PHACTR2: variants seen among roughly 807,000 people sequenced by gnomAD.
The protein encoded by PHACTR2 is phosphatase and actin regulator 2, also known as chromosome 6 open reading frame 56.
In PHACTR2, 30 loss-of-function variants were observed where a neutral mutation model predicts 76.0. The ratio of observed to expected loss-of-function variants is 0.39; its 90% confidence interval spans 0.30 to 0.54. The LOEUF (loss-of-function observed/expected upper bound fraction) is 0.54. PHACTR2 is among the 20% of genes least tolerant of loss of function. The probability of loss-of-function intolerance (pLI) is 0.61; values close to 1 mark genes in which losing one functional copy is unlikely to be tolerated. For missense variants in PHACTR2, 696 were observed against 781.1 expected, an observed-to-expected ratio of 0.89 and a Z score of 1.30; for synonymous variants, 292 against 292.5, an observed-to-expected ratio of 1.00 and a Z score of 0.02.
At position 143,623,996 on chromosome 6, in the gene PHACTR2, C is replaced by G. The variant is rs1474973384; in HGVS notation, c.13+15674C>G. On this transcript the variant is annotated intron_variant, in intron 1 of 11. Transcript: ENST00000305766. The surrounding 1 kb of genome is among the most constrained non-coding windows in gnomAD (Gnocchi z 5.9). Reference sequence around the variant, plus strand: ...AACTTGGGGTGAGTGATATGAAGACCCTGCCTCCCCACCCACTCCCCACCC... The same window carrying G: ...AACTTGGGGTGAGTGATATGAAGACGCTGCCTCCCCACCCACTCCCCACCC... 6.6e-6 allele frequency among the ~76,000 whole-genome samples: 1 copy of G among 152,046 alleles called. No individual in the cohort carries two copies. Among genetic ancestry groups the G allele is most frequent in the East Asian group, 1.9e-4 (1 of 5,190 alleles).
At chr6:143,649,071 A>G (rs571307573) in intron 1 of PHACTR2, among the ~76,000 whole-genome samples, 1 of 152,180 alleles carries the variant, frequency 6.6e-6, no homozygotes, top group Admixed American at 6.5e-5. Context: ...GCTTCTGTGG[A>G]ATAAAGTCAA....
intron 2 of PHACTR2, among the ~76,000 whole-genome samples, chr6:143,714,020 A>C (rs1251888167): frequency 1.3e-5 from 2 of 152,240 alleles, no homozygotes; most frequent in African/African-American, 4.8e-5. Context: ...GTGCAAAAGT[A>C]GTTGCGATTT....
chr6:143,760,568 A>G lies in PHACTR2; in HGVS notation c.622A>G (p.Thr208Ala). ...GDEVPPIKKN[T>A]KAPGKQAPVP... is the part of the protein sequence containing the mutation. ...TGAAGTGCCTCCCATTAAAAAAAAT[A>G]CCAAGGCTCCTGGTAAGCAGGCCCC... The change falls in exon 5 of 13, where the codon ACC (threonine) becomes GCC (alanine). Residue 208 changes from threonine (T) to alanine (A), a missense_variant. Physicochemically the swap from Thr to Ala is moderately conservative, Grantham distance 58. Coordinates refer to ENST00000440869, the MANE Select transcript of PHACTR2 (RefSeq NM_001100164.2). This position sits in a 1 kb window ranked among gnomAD's most constrained non-coding sequence, Gnocchi z 6.4. The G allele has an allele frequency of 6.2e-7, 1 of 1,613,806 alleles. No homozygotes were observed. The highest frequency in any genetic ancestry group is 8.5e-7 in the Non-Finnish European group (1 of 1,179,820).
At position 143,777,331 on chromosome 6, in the gene PHACTR2, G is replaced by C; in HGVS notation, c.1593G>C (p.Arg531Ser). Residue 531 changes from arginine (R) to serine (S), a missense_variant, in exon 9 of 13, where the codon AGG becomes AGC. Transcript: ENST00000440869. This position sits in a 1 kb window ranked among gnomAD's most constrained non-coding sequence, Gnocchi z 4.6. ...TATATCCTTTTTGTCATCATAGGAG[G>C]CTGAGCCAGAGGCCCACAACTGAAG... is the stretch of plus-strand genomic sequence containing the variant. ...RQQIGTKLVR[R>S]LSQRPTTEEL... The C allele has an allele frequency of 6.3e-7, 1 of 1,591,384 alleles. No individual in the cohort carries two copies. Among genetic ancestry groups the C allele is most frequent in the Non-Finnish European group, 8.6e-7 (1 of 1,161,546 alleles).
intron 1 of PHACTR2, among the ~76,000 whole-genome samples, chr6:143,552,888 GAAAA>G (rs35606517): frequency 1.7e-5 from 2 of 116,648 alleles, no homozygotes; most frequent in African/African-American, 3.3e-5. Flanking sequence ...ATCTCAAAAA[GAAAA>G]AAAAAAAAAA....
At chr6:143,691,287 T>TA (rs72558507) in intron 1 of PHACTR2, among the ~76,000 whole-genome samples, 16,258 of 148,970 alleles carry the variant, frequency 0.11, 1,923 homozygotes, top group African/African-American at 0.3. Flanking sequence ...GTATTTAAAT[T>TA]AAAAAAAAAA....
In PHACTR2 at chr6:143,697,062, T is replaced by G. The variant is rs1349825114; in HGVS notation, c.47-14954T>G. ...TACCTTGTAGTTCCGATATATTTAG[T>G]TAATTGAAAGCCTAAAATATTGCCA... On this transcript the variant is annotated intron_variant, in intron 1 of 12. Coordinates refer to ENST00000440869, the MANE Select transcript of PHACTR2 (RefSeq NM_001100164.2). This position sits in a 1 kb window ranked among gnomAD's most constrained non-coding sequence, Gnocchi z 4.4. Among the ~76,000 whole-genome samples the G allele has an allele frequency of 6.6e-6, 1 of 152,218 alleles. No individual in the cohort carries two copies.
In PHACTR2 at chr6:143,546,132, T is replaced by C. The variant is rs1265265544; in HGVS notation, c.217+8925T>C. Among the ~76,000 whole-genome samples, 1 of 152,222 alleles carries C rather than the reference T, an allele frequency of 6.6e-6. No individual in the cohort carries two copies. Among genetic ancestry groups the C allele is most frequent in the East Asian group, 1.9e-4 (1 of 5,188 alleles). ...CAGCTTTAGTGTTTTTAAAATACCA[T>C]GCTGAGTGACTCATTATCTTTGATC... On this transcript the variant is annotated intron_variant, in intron 1 of 11. Coordinates refer to the PHACTR2 transcript ENST00000367584. This position sits in a 1 kb window ranked among gnomAD's most constrained non-coding sequence, Gnocchi z 4.9.
rs995709294 is a variant in PHACTR2, at chr6:143,761,195, C to G, written c.694+555C>G. ...CCACCACTTTCTACTGCAGTGAAAACTATTTCAGTGGAGTGGAAAGTTACA... is the reference window on the plus strand; with the variant it reads ...CCACCACTTTCTACTGCAGTGAAAAGTATTTCAGTGGAGTGGAAAGTTACA... On this transcript the variant is annotated intron_variant, in intron 5 of 12. Transcript: ENST00000440869. The surrounding 1 kb of genome is among the most constrained non-coding windows in gnomAD (Gnocchi z 5.2). Among the ~76,000 whole-genome samples, 4 of 152,176 alleles carry G rather than the reference C, an allele frequency of 2.6e-5. No homozygotes were observed. The highest frequency in any genetic ancestry group is 9.7e-5 in the African/African-American group (4 of 41,448).
In PHACTR2 at chr6:143,597,187, T is replaced by TAAA. The variant is rs1775764170; in HGVS notation, c.217+59980_217+59981insAAA. ...CATTGTAGGGAGGGACAGGAATGAC[T>TAAA]TCCAGGAAGATAGTTGCTCAACCTA... On this transcript the variant is annotated intron_variant, in intron 1 of 11. Coordinates refer to the PHACTR2 transcript ENST00000367584. The surrounding 1 kb of genome is among the most constrained non-coding windows in gnomAD (Gnocchi z 5.7). Among the ~76,000 whole-genome samples, 2 of 152,222 alleles carry TAAA rather than the reference T, an allele frequency of 1.3e-5. No homozygotes were observed. Among genetic ancestry groups the TAAA allele is most frequent in the Non-Finnish European group, 2.9e-5 (2 of 68,042 alleles).
intron 1 of PHACTR2, among the ~76,000 whole-genome samples, chr6:143,542,672 C>G (rs990009804): frequency 6.6e-6 from 1 of 152,220 alleles, no homozygotes; most frequent in African/African-American, 2.4e-5. Flanking sequence ...ACCTACCTGA[C>G]AGCAATCTTC....
chr6:143,655,897 C>T (rs764722048), intron 1 of PHACTR2, among the ~76,000 whole-genome samples: 9 of 152,158 alleles, frequency 5.9e-5, no homozygotes, highest in Non-Finnish European at 7.3e-5. Flanking sequence ...TTGCTTCCTA[C>T]GAATTGCCAT....
At position 143,611,605 on chromosome 6, in the gene PHACTR2, A is replaced by T. The variant is rs1043444321; in HGVS notation, c.13+3283A>T. ...AGGATTGCTATGAGGAGAAAATAAG[A>T]TAACTCCTGTAAAGCTTTTGGTACA... On this transcript the variant is annotated intron_variant, in intron 1 of 11. Transcript: ENST00000305766. This position sits in a 1 kb window ranked among gnomAD's most constrained non-coding sequence, Gnocchi z 4.4. Among the ~76,000 whole-genome samples the T allele has an allele frequency of 6.6e-6, 1 of 152,234 alleles. No homozygotes were observed. The highest frequency in any genetic ancestry group is 1.5e-5 in the Non-Finnish European group (1 of 68,034).
rs1209297795 is a variant in PHACTR2, at chr6:143,697,433, A to G, written c.47-14583A>G. Among the ~76,000 whole-genome samples the G allele has an allele frequency of 1.3e-5, 2 of 152,246 alleles. No individual in the cohort carries two copies. Among genetic ancestry groups the G allele is most frequent in the African/African-American group, 4.8e-5 (2 of 41,474 alleles). ...AATTTTCACCACTCATCACCGGGTG[A>G]AAATAGAAACTTCTTAAAAGACAAT... On this transcript the variant is annotated intron_variant, in intron 1 of 12. Coordinates refer to ENST00000440869, the MANE Select transcript of PHACTR2 (RefSeq NM_001100164.2). This position sits in a 1 kb window ranked among gnomAD's most constrained non-coding sequence, Gnocchi z 4.4.
chr6:143,701,740 C>A (rs1173747708), intron 1 of PHACTR2, among the ~76,000 whole-genome samples: 4 of 152,192 alleles, frequency 2.6e-5, no homozygotes, highest in Non-Finnish European at 5.9e-5. Context: ...CTAATAGCAA[C>A]TACTTCGCAG....
At position 143,696,702 on chromosome 6, in the gene PHACTR2, T is replaced by G. The variant is rs529568179; in HGVS notation, c.47-15314T>G. 1.3e-5 allele frequency among the ~76,000 whole-genome samples: 2 copies of G among 152,354 alleles called. No individual in the cohort carries two copies. Among genetic ancestry groups the G allele is most frequent in the East Asian group, 3.9e-4 (2 of 5,186 alleles). On this transcript the variant is annotated intron_variant, in intron 1 of 12. Coordinates refer to ENST00000440869, the MANE Select transcript of PHACTR2 (RefSeq NM_001100164.2). The surrounding 1 kb of genome is among the most constrained non-coding windows in gnomAD (Gnocchi z 4.1). ...TTATATTTAAATGGCTATTTCCTAT[T>G]TTTTAAGCATACGCAAAGTCATATC...
rs9484760 is a variant in PHACTR2 at position 143,539,949 on chromosome 6, T to C, written c.217+2742T>C. ...GATTTCATTGGCATCAGGTGCATCC[T>C]GGCCATTAGATGACGCTAATGAGTA... On this transcript the variant is annotated intron_variant, in intron 1 of 11. Transcript: ENST00000367584. This position sits in a 1 kb window ranked among gnomAD's most constrained non-coding sequence, Gnocchi z 4.3. Among the ~76,000 whole-genome samples, 4,041 of 152,280 alleles carry C rather than the reference T, an allele frequency of 0.027. 185 individuals carry two copies. The highest frequency in any genetic ancestry group is 0.092 in the African/African-American group (3,830 of 41,532).
chr6:143,594,834 C>T (rs776263203), intron 1 of PHACTR2, among the ~76,000 whole-genome samples: 3 of 152,232 alleles, frequency 2.0e-5, no homozygotes, highest in Non-Finnish European at 4.4e-5. Flanking sequence ...CCCTGTTTTG[C>T]TCTCATTAAC....
rs1464190622 is a variant in PHACTR2, at chr6:143,641,686, A to G, written c.13+33364A>G. On this transcript the variant is annotated intron_variant, in intron 1 of 11. Coordinates refer to the PHACTR2 transcript ENST00000305766. This position sits in a 1 kb window ranked among gnomAD's most constrained non-coding sequence, Gnocchi z 5.8. ...CCTGCCCAGCTAATTTTGTATTTTG[A>G]ATAGAGACGGGGTTTCTCCATGTTG... Among the ~76,000 whole-genome samples the G allele has an allele frequency of 6.6e-6, 1 of 151,966 alleles. No individual in the cohort carries two copies. Among genetic ancestry groups the G allele is most frequent in the Admixed American group, 6.6e-5 (1 of 15,248 alleles).
Sources: allele counts gnomAD v4.1 joint callset (sites outside exome capture counted in the v4.1 genomes callset), GRCh38; gene constraint gnomAD v4.1.1; non-coding constraint Gnocchi (gnomAD v3.1); transcripts MANE v1.5; gene names NCBI Gene and HGNC (gene_info 2026-07-23, HGNC 2026-07-21).